Variants in PCDHA8 observed in about 807,000 individuals in gnomAD.
The protein encoded by PCDHA8 is protocadherin alpha 8.
A neutral mutation model predicts 61.8 loss-of-function variants in PCDHA8; 53 were observed. That is an observed-to-expected ratio of 0.86 (90% CI 0.69 to 1.08). The LOEUF (loss-of-function observed/expected upper bound fraction) is 1.08. Ranked by LOEUF, PCDHA8 falls within the 50% of genes least tolerant of loss-of-function variation. PCDHA8 has a pLI of 0.00. For missense variants in PCDHA8, 1,293 were observed against 1,245.0 expected (o/e 1.04, Z -0.58); for synonymous variants, 618 against 556.6 (o/e 1.11, Z -1.55).
In PCDHA8 at chr5:140,875,325, G is replaced by C. The variant is rs1293166061; in HGVS notation, c.2394+31610G>C. 3 of 1,427,764 alleles carry C rather than the reference G, an allele frequency of 2.1e-6. No homozygotes were observed. The African/African-American group carries it at 4.3e-5, about 21-fold the overall frequency. 88.4% of individuals were successfully genotyped at this position (1,427,764 alleles called of 1,614,324 possible). A position where few individuals can be genotyped will look rare whatever the true frequency, so the allele number is the denominator to read the frequency against. On this transcript the variant is annotated intron_variant, in intron 1 of 3. Coordinates refer to ENST00000531613, the MANE Select transcript of PCDHA8 (RefSeq NM_018911.3). ...CCGCACCCACATTCCAATCATTCAC[G>C]GAATAGGATCGACTCCATAATGACT...
intron 1 of PCDHA8, among the ~76,000 whole-genome samples, chr5:140,937,865 T>C (rs1056873213): frequency 2.0e-5 from 3 of 149,988 alleles, no homozygotes; most frequent in Non-Finnish European, 2.9e-5. Context: ...TGAGCCGAGA[T>C]CGCGCCACTG....
Position 140,850,710 on chromosome 5 carries a change from C to G in PCDHA8, c.2394+6995C>G, listed in dbSNP as rs2150495455. ...CGAGTGCGCGCCTGGCAAGCCGACG[C>G]TGGTGTGTTCTAGCGCGGTGGGGAG... On this transcript the variant is annotated intron_variant, in intron 1 of 3. Coordinates refer to ENST00000531613, the MANE Select transcript of PCDHA8 (RefSeq NM_018911.3). 14 of 1,598,036 alleles carry G rather than the reference C, an allele frequency of 8.8e-6. 1 individual carries two copies. Among genetic ancestry groups the G allele is most frequent in the Non-Finnish European group, 1.2e-5 (14 of 1,167,676 alleles).
intron 1 of PCDHA8, chr5:140,883,404 C>A: frequency 6.2e-7 from 1 of 1,614,222 alleles, no homozygotes; most frequent in Non-Finnish European, 8.5e-7. Context: ...GATCGTGACT[C>A]TGGCTCAAAT....
At position 140,857,270 on chromosome 5, in the gene PCDHA8, C is replaced by T. The variant is rs782277671; in HGVS notation, c.2394+13555C>T. On this transcript the variant is annotated intron_variant, in intron 1 of 3. Coordinates refer to ENST00000531613, the MANE Select transcript of PCDHA8 (RefSeq NM_018911.3). ...CTACAAGAATTACTACTCATTGGTG[C>T]TGGACAGCGCTCTGGACCGCGAGAG... 5.0e-6 allele frequency: 8 copies of T among 1,598,754 alleles called. 2 individuals are homozygous for T. The highest frequency in any genetic ancestry group is 4.3e-6 in the Non-Finnish European group (5 of 1,168,052).
intron 1 of PCDHA8, chr5:140,967,880 A>G (rs782459653): frequency 4.3e-6 from 7 of 1,614,060 alleles, no homozygotes; most frequent in Non-Finnish European, 2.5e-6. Context: ...GGACCTGTAT[A>G]GCCCAGTGCC....
At chr5:140,997,837 T>G (rs1414415987) in intron 3 of PCDHA8, among the ~76,000 whole-genome samples, 2 of 152,222 alleles carry the variant, frequency 1.3e-5, no homozygotes, top group African/African-American at 4.8e-5. Context: ...AACAATACAA[T>G]ATACATTCTT....
chr5:141,006,448 C>T lies in PCDHA8; in HGVS notation c.2543-3179C>T, dbSNP rs968765348. ...CAGGATGGTCTCAATCTCCTGACCT[C>T]GAGATCTGCCTGTCTCGGCCTCCCA... On this transcript the variant is annotated intron_variant, in intron 3 of 3. Coordinates refer to ENST00000531613, the MANE Select transcript of PCDHA8 (RefSeq NM_018911.3). Among the ~76,000 whole-genome samples, 4 of 152,122 alleles carry T rather than the reference C, an allele frequency of 2.6e-5. No homozygotes were observed. In the East Asian group the frequency reaches 7.7e-4, roughly 29 times the overall value.
intron 1 of PCDHA8, among the ~76,000 whole-genome samples, chr5:140,890,847 C>A (rs2062829860): frequency 1.3e-5 from 2 of 152,148 alleles, no homozygotes. Flanking sequence ...AGTTTTGTTT[C>A]TCTTCCTTAC....
At chr5:140,967,785 G>A (rs1554229943) in intron 1 of PCDHA8, 6 of 1,614,176 alleles carry the variant, frequency 3.7e-6, no homozygotes, top group Admixed American at 3.3e-5. Context: ...GCGACTGACC[G>A]GGGTCCAGTG....
At chr5:140,857,626 G>T in intron 1 of PCDHA8, 1 of 1,596,672 alleles carries the variant, frequency 6.3e-7, no homozygotes, top group Non-Finnish European at 8.6e-7. Flanking sequence ...ACCACGAGGA[G>T]CTGGAGCTGC....
chr5:140,863,782 C>T (rs570936581), intron 1 of PCDHA8: 24 of 228,258 alleles, frequency 1.1e-4, no homozygotes, highest in Non-Finnish European at 1.2e-4. Flanking sequence ...GCGGATCACT[C>T]GAGGCCAGGA....
In PCDHA8 at chr5:140,841,784, G is replaced by T; in HGVS notation, c.463G>T (p.Glu155Ter). 6.2e-7 allele frequency: 1 copy of T among 1,613,930 alleles called. No homozygotes were observed. Residue 155 changes from glutamate to a stop codon, truncating the protein, a stop_gained, in exon 1 of 4, where the codon GAG becomes TAG. Coordinates refer to ENST00000531613, the MANE Select transcript of PCDHA8 (RefSeq NM_018911.3). LOFTEE classifies it high-confidence loss of function. Reference sequence around the variant, plus strand: ...AATGCCAGACTCTCGGTTTCCGCTAGAGGGCGCGTCCGATGCAGATGTTGG... The same window carrying T: ...AATGCCAGACTCTCGGTTTCCGCTATAGGGCGCGTCCGATGCAGATGTTGG... ...SRMPDSRFPL[E>*]GASDADVGAN...
chr5:141,005,049 T>C (rs1248594838), intron 3 of PCDHA8, among the ~76,000 whole-genome samples: 6 of 152,264 alleles, frequency 3.9e-5, no homozygotes, highest in African/African-American at 1.4e-4. Context: ...TACCATTTAC[T>C]GAATTCTTGC....
chr5:140,859,378 T>G lies in PCDHA8; in HGVS notation c.2394+15663T>G. The G allele has an allele frequency of 7.4e-6, 2 of 268,578 alleles. 1 individual carries two copies. Among genetic ancestry groups the G allele is most frequent in the Non-Finnish European group, 1.3e-5 (2 of 148,378 alleles). The allele number at this position is 268,578 out of a possible 1,614,324, so 16.6% of individuals were successfully genotyped here. A position where few individuals can be genotyped will look rare whatever the true frequency, so the allele number is the denominator to read the frequency against. On this transcript the variant is annotated intron_variant, in intron 1 of 3. Transcript: ENST00000531613. ...CTGATATATTGTATAGTTTAATAGCTTCTCTAGTCATCTTAAACAGGGTTG... is the reference window on the plus strand; with the variant it reads ...CTGATATATTGTATAGTTTAATAGCGTCTCTAGTCATCTTAAACAGGGTTG...
At position 140,848,676 on chromosome 5, in the gene PCDHA8, C is replaced by A. The variant is rs2150416820; in HGVS notation, c.2394+4961C>A. 8.2e-6 allele frequency: 13 copies of A among 1,592,292 alleles called. 1 individual carries two copies. The African/African-American group carries it at 1.1e-4, about 13-fold the overall frequency. ...GGGGCTGGAGCTGGCGGAGCTGGTG[C>A]CGCGCCTGTTCCAGTTGGATTCCAA... On this transcript the variant is annotated intron_variant, in intron 1 of 3. Transcript: ENST00000531613.
intron 2 of PCDHA8, 175 bp downstream of exon 2, chr5:140,979,182 A>C: frequency 2.6e-5 from 24 of 928,990 alleles, no homozygotes; most frequent in Non-Finnish European, 3.1e-5. Context: ...GCAAATGGTC[A>C]GTGCCAGATG....
intron 1 of PCDHA8, chr5:140,871,293 G>A (rs1206433527): frequency 6.2e-7 from 1 of 1,613,794 alleles, no homozygotes; most frequent in Non-Finnish European, 8.5e-7. Context: ...CTGAGGGCGC[G>A]TGCGCGCCGG....
intron 3 of PCDHA8, among the ~76,000 whole-genome samples, chr5:140,992,504 C>T (rs2097516189): frequency 6.6e-6 from 1 of 152,174 alleles, no homozygotes; most frequent in African/African-American, 2.4e-5. Context: ...GGATTCAATC[C>T]TGGGGCATGG....
At chr5:140,859,564 T>C (rs1485342006) in intron 1 of PCDHA8, 1 of 176,228 alleles carries the variant, frequency 5.7e-6, no homozygotes, top group African/African-American at 2.4e-5. Context: ...ACCAATGCCA[T>C]GAATTTGTCA....
Sources: allele counts gnomAD v4.1 joint callset (sites outside exome capture counted in the v4.1 genomes callset), GRCh38; gene constraint gnomAD v4.1.1; transcripts MANE v1.5; gene names NCBI Gene and HGNC (gene_info 2026-07-23, HGNC 2026-07-21).